LYN: variants seen among roughly 807,000 people sequenced by gnomAD.
LYN encodes the protein tyrosine-protein kinase Lyn.
LYN carries 12 observed loss-of-function variants against 65.0 expected under a neutral mutation model. That is an observed-to-expected ratio of 0.18 (90% confidence interval 0.12 to 0.30). LYN has a LOEUF of 0.30. LYN is among the 10% of genes least tolerant of loss of function. The pLI is 1.00. For missense variants in LYN, 380 were observed against 623.2 expected (o/e 0.61, Z 4.16); for synonymous variants, 222 against 221.2 (o/e 1.00, Z -0.03).
At chr8:55,952,398 G>GA (rs376974174) in intron 7 of LYN, among the ~76,000 whole-genome samples, 44 of 144,440 alleles carry the variant, frequency 3.0e-4, no homozygotes, top group Admixed American at 6.9e-4. Context: ...ATCTCTACTA[G>GA]AAAAAAAAAA....
rs578155814 is a variant in LYN at position 56,009,723 on chromosome 8, G to A, written c.1337-185G>A. ...TGGTGCTGTCAATTCTGAGGTGTAC[G>A]CGGGGTTAGGACTTCAACCTAGGAA... On this transcript the variant is annotated intron_variant, in intron 12 of 12. Transcript: ENST00000519728. Among the ~76,000 whole-genome samples, 34 of 152,234 alleles carry A rather than the reference G, an allele frequency of 2.2e-4. No homozygotes were observed. In the South Asian group the frequency reaches 6.6e-3, roughly 30 times the overall value.
intron 1 of LYN, among the ~76,000 whole-genome samples, chr8:55,911,500 G>A (rs1172816895): frequency 6.6e-6 from 1 of 151,576 alleles, no homozygotes; most frequent in East Asian, 2.0e-4. Flanking sequence ...CATCTCTTTT[G>A]TACAGACTGA....
intron 12 of LYN, among the ~76,000 whole-genome samples, chr8:56,006,770 A>C (rs1585687595): frequency 6.6e-6 from 1 of 152,212 alleles, no homozygotes; most frequent in Non-Finnish European, 1.5e-5. Flanking sequence ...TAAGCAGATC[A>C]CCAGCTAATG....
At chr8:55,953,395 C>A (rs1807008947) in intron 7 of LYN, among the ~76,000 whole-genome samples, 1 of 152,010 alleles carries the variant, frequency 6.6e-6, no homozygotes, top group Admixed American at 6.6e-5. Context: ...CACCTGTAAT[C>A]CAGCATTTTG....
chr8:55,926,378 A>G (rs67432274), intron 1 of LYN, among the ~76,000 whole-genome samples: 29,863 of 152,216 alleles, frequency 0.2, 3,516 homozygotes, highest in Middle Eastern at 0.34. Flanking sequence ...CTATGCATGT[A>G]TAGATGTGTA....
At chr8:55,902,299 C>T (rs574618182) in intron 1 of LYN, among the ~76,000 whole-genome samples, 83 of 150,950 alleles carry the variant, frequency 5.5e-4, no homozygotes, top group African/African-American at 1.8e-3. Context: ...TGAGCCATTG[C>T]GCCTGGCCGT....
chr8:55,893,104 CTG>C (rs1350896168), intron 1 of LYN, among the ~76,000 whole-genome samples: 1 of 152,196 alleles, frequency 6.6e-6, no homozygotes. Flanking sequence ...CGGCATCTCT[CTG>C]TGTGTGGAAT....
chr8:55,909,013 A>ATATG (rs1805515955), intron 1 of LYN, among the ~76,000 whole-genome samples: 1 of 18,154 alleles, frequency 5.5e-5, no homozygotes, highest in Non-Finnish European at 1.0e-4. Context: ...ATATATATAC[A>ATATG]CACACACACA....
intron 12 of LYN, among the ~76,000 whole-genome samples, chr8:56,003,617 G>A (rs1351272031): frequency 2.0e-5 from 3 of 151,808 alleles, no homozygotes; most frequent in Admixed American, 2.0e-4. Flanking sequence ...AGAAGTTGCA[G>A]TGAGCCGAGA....
chr8:55,953,001 A>G (rs1806994936), intron 7 of LYN, among the ~76,000 whole-genome samples: 1 of 152,180 alleles, frequency 6.6e-6, no homozygotes, highest in Admixed American at 6.5e-5. Flanking sequence ...ACCTGCTCGA[A>G]GGGGATGCAC....
intron 6 of LYN, among the ~76,000 whole-genome samples, 178 bp downstream of exon 6, chr8:55,950,962 G>C (rs1806926118): frequency 6.6e-6 from 1 of 152,202 alleles, no homozygotes; most frequent in Non-Finnish European, 1.5e-5. Flanking sequence ...AAGTAATATA[G>C]TTGAGTGTGG....
At chr8:55,942,785 A>T (rs1397446876) in intron 2 of LYN, among the ~76,000 whole-genome samples, 2 of 76,948 alleles carry the variant, frequency 2.6e-5, no homozygotes, top group Non-Finnish European at 5.0e-5. Flanking sequence ...ACTCTGTCTC[A>T]AAAAAAAAAA....
At chr8:55,960,010 G>T (rs1178246793) in intron 8 of LYN, among the ~76,000 whole-genome samples, 1 of 152,140 alleles carries the variant, frequency 6.6e-6, no homozygotes, top group African/African-American at 2.4e-5. Context: ...AGGGCTGGGG[G>T]GCCTGGGAGT....
Position 55,950,462 on chromosome 8 carries a change from T to G in LYN, c.288T>G (p.His96Gln), listed in dbSNP as rs775941123. Residue 96 changes from histidine to glutamine, a missense_variant, in exon 5 of 13, where the codon CAT (histidine) becomes CAG (glutamine). This residue lies in a region of LYN where 157 missense variants were observed against 193.2 expected (regional missense o/e 0.81). Transcript: ENST00000519728. ...KGEKMKVLEE[H>Q]GEWWKAKSLL... ...TTGATGTGTATTTCTATTCTAGGCA[T>G]GGAGAATGGTGGAAAGCAAAGTCCC... The G allele has an allele frequency of 3.4e-5, 54 of 1,608,166 alleles. No individual in the cohort carries two copies. Among genetic ancestry groups the G allele is most frequent in the Non-Finnish European group, 4.4e-5 (52 of 1,177,420 alleles).
rs1162508957 is a variant in LYN, at chr8:55,911,098, T to TATATATATATATATATATACACAC, written c.-5-30756_-5-30755insTATATATATATATATATACACACA. On this transcript the variant is annotated intron_variant, in intron 1 of 12. Transcript: ENST00000519728. ...ATATACATACATATATATATATATA[T>TATATATATATATATATATACACAC]ACATACACGTATATATACGTATATA... 6.8e-4 allele frequency among the ~76,000 whole-genome samples: 8 copies of TATATATATATATATATATACACAC among 11,692 alleles called. 1 individual carries two copies. The highest frequency in any genetic ancestry group is 2.7e-3 in the African/African-American group (8 of 2,910). The allele number at this position is 11,692 out of a possible 152,430, so 7.7% of individuals were successfully genotyped here.
Position 55,880,003 on chromosome 8 carries a change from C to A in LYN, c.-106C>A. On this transcript the variant is annotated 5_prime_UTR_variant, in exon 1 of 13. Coordinates refer to ENST00000519728, the MANE Select transcript of LYN (RefSeq NM_002350.4). ...GCGTCCAGCGTTCCCGGCCAGCAGC[C>A]TCCCCATACGCAGGTCCTGCTGGGC... 1 of 288,274 alleles carries A rather than the reference C, an allele frequency of 3.5e-6. No individual in the cohort carries two copies. Among genetic ancestry groups the A allele is most frequent in the Non-Finnish European group, 7.2e-6 (1 of 139,050 alleles). The allele number at this position is 288,274 out of a possible 1,614,324, so 17.9% of individuals were successfully genotyped here. A position where few individuals can be genotyped will look rare whatever the true frequency, so the allele number is the denominator to read the frequency against.
At position 55,998,424 on chromosome 8, in the gene LYN, G is replaced by A. The variant is rs772832021; in HGVS notation, c.1129G>A (p.Glu377Lys). The change falls in exon 11 of 13, where the codon GAG becomes AAG. Residue 377 changes from glutamate (E) to lysine (K), a missense_variant. This residue lies in a region of LYN where 223 missense variants were observed against 430.0 expected (regional missense o/e 0.52). Transcript: ENST00000519728. ...GCGAGCAGCTAATGTTCTGGTCTCC[G>A]AGTCACTCATGTGCAAAATTGCAGA... The part of the protein sequence containing the change: ...DLRAANVLVS[E>K]SLMCKIADFG... 3.7e-6 allele frequency: 6 copies of A among 1,613,934 alleles called. No homozygotes were observed. The highest frequency in any genetic ancestry group is 1.7e-5 in the Admixed American group (1 of 60,000).
At chr8:55,901,521 G>T (rs1416542078) in intron 1 of LYN, among the ~76,000 whole-genome samples, 1 of 152,166 alleles carries the variant, frequency 6.6e-6, no homozygotes, top group Non-Finnish European at 1.5e-5. Context: ...ACTACTTCTG[G>T]TGGTTTCCCT....
At chr8:55,911,452 G>A (rs1422328750) in intron 1 of LYN, among the ~76,000 whole-genome samples, 6 of 150,128 alleles carry the variant, frequency 4.0e-5, no homozygotes, top group Non-Finnish European at 7.4e-5. Flanking sequence ...AAATTACAAG[G>A]TTAAAATACA....
Sources: gnomAD v4.1 joint callset for allele counts (sites outside exome capture counted in the v4.1 genomes callset) on GRCh38, gnomAD v4.1.1 for gene constraint, gnomAD v4.1.1 regional missense constraint, MANE v1.5 for transcripts, NCBI Gene and HGNC (gene_info 2026-07-23, HGNC 2026-07-21) for gene names.